Variants in ABCG1 observed in about 807,000 individuals in gnomAD.
ABCG1 encodes ATP binding cassette subfamily G member 1, also known as ATP-binding cassette sub-family G member 1.
In ABCG1, 29 loss-of-function variants were observed where a neutral mutation model predicts 69.2. The ratio of observed to expected loss-of-function variants is 0.42; its 90% confidence interval spans 0.31 to 0.57. The LOEUF (loss-of-function observed/expected upper bound fraction) is 0.57, where lower values mean the gene tolerates loss of function less well. Ranked by LOEUF, ABCG1 falls within the 20% of genes least tolerant of loss-of-function variation. The pLI is 0.15. For missense variants in ABCG1, 718 were observed against 898.1 expected (o/e 0.80, Z 2.56); for synonymous variants, 370 against 374.8 (o/e 0.99, Z 0.15).
At position 42,291,147 on chromosome 21, in the gene ABCG1, G is replaced by C. The variant is rs752644370; in HGVS notation, c.1449G>C (p.Leu483=). The C allele has an allele frequency of 1.2e-6, 2 of 1,614,086 alleles. No homozygotes were observed. Among genetic ancestry groups the C allele is most frequent in the East Asian group, 2.2e-5 (1 of 44,896 alleles). Residue 483 remains leucine (L), a synonymous_variant, in exon 12 of 15, where the codon CTG becomes CTC. Coordinates refer to ENST00000398449, the MANE Select transcript of ABCG1 (RefSeq NM_016818.3). This position sits in a 1 kb window ranked among gnomAD's most constrained non-coding sequence, Gnocchi z 6.4. The part of the protein sequence containing the change: ...LREHLNYWYS[L]KAYYLAKTMA... ...AACACCTGAACTACTGGTACAGCCT[G>C]AAGGCCTACTACCTGGCCAAGACCA...
chr21:42,210,732 A>G (rs1014885221), intron 2 of ABCG1, among the ~76,000 whole-genome samples: 4 of 127,614 alleles, frequency 3.1e-5, no homozygotes, highest in Admixed American at 3.1e-4. Context: ...TCCACCCTGC[A>G]CCTCCCTGCC....
chr21:42,267,741 C>CTGGGTTCTGTCTG (rs2068537343), intron 2 of ABCG1, among the ~76,000 whole-genome samples: 1 of 54,298 alleles, frequency 1.8e-5, no homozygotes, highest in Non-Finnish European at 3.6e-5. Context: ...GGTTCTGTCT[C>CTGGGTTCTGTCTG]GGTGTGGTCT....
chr21:42,200,596 CTTTT>C (rs200131320), intron 1 of ABCG1, among the ~76,000 whole-genome samples: 8 of 138,686 alleles, frequency 5.8e-5, no homozygotes, highest in Non-Finnish European at 9.3e-5. Flanking sequence ...TTATGTTGCA[CTTTT>C]TTTTTTTTTT....
intron 2 of ABCG1, among the ~76,000 whole-genome samples, chr21:42,258,011 ATCC>A (rs2068335630): frequency 9.0e-6 from 1 of 110,918 alleles, no homozygotes; most frequent in African/African-American, 4.0e-5. Context: ...CCATTTCCCC[ATCC>A]ACTCCATCAG....
chr21:42,231,497 T>C (rs2123551244), intron 2 of ABCG1, among the ~76,000 whole-genome samples: 1 of 152,352 alleles, frequency 6.6e-6, no homozygotes, highest in South Asian at 2.1e-4. Context: ...AAAAATGCAT[T>C]TGGACACCTT....
chr21:42,278,551 G>A (rs978111527), intron 5 of ABCG1, among the ~76,000 whole-genome samples: 1 of 152,182 alleles, frequency 6.6e-6, no homozygotes, highest in East Asian at 1.9e-4. Flanking sequence ...CCAAGGGATG[G>A]CCCCGTGAGG....
chr21:42,255,465 C>T (rs1032021069), intron 2 of ABCG1, among the ~76,000 whole-genome samples: 7 of 152,022 alleles, frequency 4.6e-5, no homozygotes, highest in Non-Finnish European at 8.8e-5. Context: ...TGTGCATGCG[C>T]GTGTGCCTGT....
intron 2 of ABCG1, among the ~76,000 whole-genome samples, chr21:42,208,537 T>C (rs2067561352): frequency 6.6e-6 from 1 of 152,202 alleles, no homozygotes; most frequent in Non-Finnish European, 1.5e-5. Context: ...CTTGTAGAAA[T>C]CTGCCCATTT....
chr21:42,244,775 G>A (rs1469408577), intron 2 of ABCG1, among the ~76,000 whole-genome samples: 1 of 152,246 alleles, frequency 6.6e-6, no homozygotes, highest in Non-Finnish European at 1.5e-5. Context: ...GCCACAGAAA[G>A]CTTGGGAACA....
rs1362945335 is a variant in ABCG1 at position 42,219,447 on chromosome 21, G to T, written c.42+143G>T. On this transcript the variant is annotated intron_variant, in intron 1 of 14. Coordinates refer to ENST00000398449, the MANE Select transcript of ABCG1 (RefSeq NM_016818.3). The surrounding 1 kb of genome is among the most constrained non-coding windows in gnomAD (Gnocchi z 5.3). ...CTGACCCAGGGCACCCTAGAGTGGC[G>T]CCCGGCTCCGATCGCTGCCCCTGCC... 5.0e-6 allele frequency: 6 copies of T among 1,209,808 alleles called. No individual in the cohort carries two copies. Among genetic ancestry groups the T allele is most frequent in the African/African-American group, 3.2e-5 (2 of 62,634 alleles). The allele number at this position is 1,209,808 out of a possible 1,614,324, so 74.9% of individuals were successfully genotyped here.
chr21:42,277,429 C>T (rs1038733008), intron 5 of ABCG1, among the ~76,000 whole-genome samples: 4 of 152,144 alleles, frequency 2.6e-5, no homozygotes, highest in African/African-American at 7.2e-5. Flanking sequence ...AAAATAAATA[C>T]GTTTCCAGGA....
At position 42,285,947 on chromosome 21, in the gene ABCG1, G is replaced by C. The variant is rs753297151; in HGVS notation, c.926G>C (p.Arg309Thr). The part of the protein sequence containing the change: ...GKVCNLVPYL[R>T]DLGLNCPTYH... ...GTCTGCAATCTTGTGCCATATTTGA[G>C]GGATTTGGGTCTGAACTGCCCAACC... The change falls in exon 8 of 15, where the codon AGG (arginine) becomes ACG (threonine). Residue 309 changes from arginine to threonine, a missense_variant. Physicochemically the swap from Arg to Thr is moderately conservative, Grantham distance 71 (BLOSUM62 -1). This residue lies in a region of ABCG1 where 514 missense variants were observed against 574.3 expected (regional missense o/e 0.90). Transcript: ENST00000398449. 3.7e-6 allele frequency: 6 copies of C among 1,614,094 alleles called. No homozygotes were observed. The highest frequency in any genetic ancestry group is 4.2e-6 in the Non-Finnish European group (5 of 1,180,014).
Position 42,296,122 on chromosome 21 carries a change from G to T in ABCG1, c.1773-42G>T. 6.4e-7 allele frequency: 1 copy of T among 1,553,820 alleles called. No individual in the cohort carries two copies. Among genetic ancestry groups the T allele is most frequent in the Non-Finnish European group, 8.9e-7 (1 of 1,125,658 alleles). ...TGACCTTCAGCCAACGGCGTGGCTG[G>T]CTGGGAGAACGTCCTCCCTCATGCC... On this transcript the variant is annotated intron_variant, in intron 14 of 14. Coordinates refer to ENST00000398449, the MANE Select transcript of ABCG1 (RefSeq NM_016818.3). This position sits in a 1 kb window ranked among gnomAD's most constrained non-coding sequence, Gnocchi z 5.4.
chr21:42,215,282 A>G (rs2067627917), upstream of ABCG1, among the ~76,000 whole-genome samples: 1 of 152,220 alleles, frequency 6.6e-6, no homozygotes, highest in Non-Finnish European at 1.5e-5. Context: ...ACCCACCCTC[A>G]CAAGCACCAA....
Position 42,219,310 on chromosome 21 carries a change from T to C in ABCG1, c.42+6T>C, listed in dbSNP as rs1271577229. 1.9e-6 allele frequency: 3 copies of C among 1,596,210 alleles called. No homozygotes were observed. The highest frequency in any genetic ancestry group is 1.4e-5 in the African/African-American group (1 of 73,424). On this transcript the variant is annotated splice_donor_region_variant and intron_variant, in intron 1 of 14. Coordinates refer to ENST00000398449, the MANE Select transcript of ABCG1 (RefSeq NM_016818.3). The surrounding 1 kb of genome is among the most constrained non-coding windows in gnomAD (Gnocchi z 5.3). ...TCTCGGTCGGCACCGCCATGGTGAG[T>C]GAGCGCATCCTTCGTCCGCCGGGAA... is the stretch of plus-strand genomic sequence containing the variant.
At chr21:42,292,724 A>C (rs925099347) in intron 13 of ABCG1, among the ~76,000 whole-genome samples, 2 of 148,324 alleles carry the variant, frequency 1.3e-5, no homozygotes, top group Admixed American at 1.3e-4. Context: ...CACACTACAC[A>C]CCACACACTG....
Position 42,288,602 on chromosome 21 carries a change from G to A in ABCG1, c.1224+290G>A, listed in dbSNP as rs1354777837. 7.2e-5 allele frequency among the ~76,000 whole-genome samples: 11 copies of A among 152,172 alleles called. No homozygotes were observed. Reference sequence around the variant, plus strand: ...CATGCCTGTAATCCCAGCTACTCAGGAGGCTGGGGCAGGAGAACTGCTTGA... The same window carrying A: ...CATGCCTGTAATCCCAGCTACTCAGAAGGCTGGGGCAGGAGAACTGCTTGA... On this transcript the variant is annotated intron_variant, in intron 10 of 14. Transcript: ENST00000398449. This position sits in a 1 kb window ranked among gnomAD's most constrained non-coding sequence, Gnocchi z 4.8.
rs1387043849 is a variant in ABCG1, at chr21:42,285,963, C to A, written c.942C>A (p.Asn314Lys). 6.2e-7 allele frequency: 1 copy of A among 1,613,962 alleles called. No individual in the cohort carries two copies. Among genetic ancestry groups the A allele is most frequent in the East Asian group, 2.2e-5 (1 of 44,890 alleles). ...CATATTTGAGGGATTTGGGTCTGAACTGCCCAACCTACCACAACCCAGCAG... is the reference window on the plus strand; with the variant it reads ...CATATTTGAGGGATTTGGGTCTGAAATGCCCAACCTACCACAACCCAGCAG... ...LVPYLRDLGLNCPTYHNPADF... is the reference protein window; with the variant it reads ...LVPYLRDLGLKCPTYHNPADF... Residue 314 changes from asparagine (N) to lysine (K), a missense_variant, in exon 8 of 15, where the codon AAC becomes AAA. By Grantham distance (94) the Asn-to-Lys change is moderately conservative (BLOSUM62 0). Around this residue, in one of 2 missense-constraint regions of ABCG1, gnomAD observed 514 missense variants for 574.3 expected, o/e 0.90. Coordinates refer to ENST00000398449, the MANE Select transcript of ABCG1 (RefSeq NM_016818.3).
Position 42,282,262 on chromosome 21 carries a change from T to G in ABCG1, c.589-12T>G. On this transcript the variant is annotated splice_polypyrimidine_tract_variant and intron_variant, in intron 5 of 14. Transcript: ENST00000398449. ...GGGCAGCTCCCAATGTCTCTCGTTC[T>G]GTTGCCCCCAGGTCAAGGAGATACT... 6.2e-7 allele frequency: 1 copy of G among 1,609,650 alleles called. No individual in the cohort carries two copies. The highest frequency in any genetic ancestry group is 1.1e-5 in the South Asian group (1 of 90,736).
Sources: allele counts gnomAD v4.1 joint callset (sites outside exome capture counted in the v4.1 genomes callset), GRCh38; gene constraint gnomAD v4.1.1; regional missense constraint gnomAD v4.1.1; non-coding constraint Gnocchi (gnomAD v3.1); transcripts MANE v1.5; gene names NCBI Gene and HGNC (gene_info 2026-07-23, HGNC 2026-07-21).